Variants in OSBPL9 observed in about 807,000 individuals in gnomAD.
OSBPL9 encodes oxysterol-binding protein-related protein 9.
In OSBPL9, 40 loss-of-function variants were observed where a neutral mutation model predicts 106.6. The ratio of observed to expected loss-of-function variants is 0.38; its 90% CI spans 0.29 to 0.49. The LOEUF (loss-of-function observed/expected upper bound fraction) is 0.49, where lower values mean the gene tolerates loss of function less well. OSBPL9 is among the 20% of genes least tolerant of loss of function. The probability of loss-of-function intolerance (pLI) is 0.97; values close to 1 mark genes in which losing one functional copy is unlikely to be tolerated. For synonymous variants in OSBPL9, 269 were observed against 295.4 expected (o/e 0.91, Z 0.92); for missense variants, 609 against 887.2 (o/e 0.69, Z 3.98).
chr1:51,601,413 A>G (rs548894579), intron 2 of OSBPL9, among the ~76,000 whole-genome samples: 6 of 152,342 alleles, frequency 3.9e-5, no homozygotes, highest in Admixed American at 1.3e-4. Context: ...TTAAACTCCA[A>G]ACACTAGCTA....
intron 16 of OSBPL9, 122 bp from the exon 17 acceptor site, chr1:51,782,437 T>A (rs574302743): frequency 9.2e-6 from 6 of 651,028 alleles, no homozygotes; most frequent in Non-Finnish European, 1.5e-5. Flanking sequence ...AGTTCTACAA[T>A]AGAAATATAT....
chr1:51,671,366 A>G (rs972952821), intron 3 of OSBPL9, among the ~76,000 whole-genome samples: 3 of 152,222 alleles, frequency 2.0e-5, no homozygotes, highest in South Asian at 2.1e-4. Flanking sequence ...ATATGTGAAC[A>G]TATCTTTAAA....
At chr1:51,571,022 T>C in the OSBPL9 span, among the ~76,000 whole-genome samples, 1 of 152,168 alleles carries the variant, frequency 6.6e-6, no homozygotes, top group Non-Finnish European at 1.5e-5. Flanking sequence ...GGTTTCAGCA[T>C]GTTGGCCAGG....
intron 6 of OSBPL9, among the ~76,000 whole-genome samples, chr1:51,747,297 C>A (rs1232888919): frequency 6.6e-6 from 1 of 152,170 alleles, no homozygotes; most frequent in African/African-American, 2.4e-5. Context: ...TTTTCTGTAT[C>A]ATATTCCTAG....
At chr1:51,783,777 A>C in intron 17 of OSBPL9, 138 bp from the exon 18 acceptor site, 3 of 632,446 alleles carry the variant, frequency 4.7e-6, no homozygotes, top group Non-Finnish European at 5.6e-6. Context: ...AAAGGCAGGT[A>C]GGTACCTCCT....
At chr1:51,579,776 C>T (rs1645210161) in intron 1 of OSBPL9, among the ~76,000 whole-genome samples, 1 of 151,412 alleles carries the variant, frequency 6.6e-6, no homozygotes, top group African/African-American at 2.4e-5. Context: ...GTCACCTGAG[C>T]CCAGAGAGGT....
chr1:51,736,944 C>T (rs1665841585), intron 4 of OSBPL9, among the ~76,000 whole-genome samples: 1 of 151,896 alleles, frequency 6.6e-6, no homozygotes, highest in South Asian at 2.1e-4. Context: ...TCCAACAGTG[C>T]TTTTGTTAGG....
At chr1:51,654,996 A>T (rs983865160) in intron 2 of OSBPL9, among the ~76,000 whole-genome samples, 1 of 152,148 alleles carries the variant, frequency 6.6e-6, no homozygotes, top group Non-Finnish European at 1.5e-5. Context: ...ATGGATGGTG[A>T]TGATGGTGAT....
chr1:51,761,817 T>G (rs1407301437), intron 10 of OSBPL9, 50 bp from the exon 11 acceptor site: 2 of 1,330,814 alleles, frequency 1.5e-6, no homozygotes, highest in Non-Finnish European at 1.1e-6. Flanking sequence ...GTCAATAGAA[T>G]GTGTGTTTGG....
At chr1:51,634,101 C>T (rs1645275847) in intron 1 of OSBPL9, among the ~76,000 whole-genome samples, 1 of 152,184 alleles carries the variant, frequency 6.6e-6, no homozygotes, top group South Asian at 2.1e-4. Context: ...TTCTTGCTAA[C>T]CACATTTTTG....
chr1:51,528,563 T>G, the OSBPL9 span, among the ~76,000 whole-genome samples: 1 of 150,808 alleles, frequency 6.6e-6, no homozygotes, highest in Admixed American at 6.6e-5. Context: ...AAAAACAAAC[T>G]GAAAATGAAA....
chr1:51,669,867 T>C, intron 3 of OSBPL9: 1 of 469,512 alleles, frequency 2.1e-6, no homozygotes, highest in South Asian at 1.6e-5. Flanking sequence ...ATGAAGAGTC[T>C]AAAGACTGAT....
the OSBPL9 span, among the ~76,000 whole-genome samples, chr1:51,539,062 T>A: frequency 1.3e-5 from 2 of 152,344 alleles, no homozygotes; most frequent in African/African-American, 4.8e-5. Context: ...CTTCAAATGC[T>A]GATCATGCTA....
rs764495720 is a variant in OSBPL9, at chr1:51,781,322, C to G, written c.1415C>G (p.Thr472Ser). The G allele has an allele frequency of 6.2e-7, 1 of 1,613,946 alleles. No individual in the cohort carries two copies. The highest frequency in any genetic ancestry group is 2.2e-5 in the East Asian group (1 of 44,876). ...TGTCATTGGACATTACCAAATGATA[C>G]TGAAGAGAACACAGTGAGTTCTGCA... ...FQCHWTLPND[T>S]EENTELVSEG... Residue 472 changes from threonine to serine, a missense_variant, in exon 16 of 24, where the codon ACT (threonine) becomes AGT (serine). Thr to Ser is a moderately conservative substitution (Grantham distance 58). Coordinates refer to ENST00000428468, the MANE Select transcript of OSBPL9 (RefSeq NM_024586.6).
At chr1:51,665,949 G>C (rs72898016) in intron 2 of OSBPL9, among the ~76,000 whole-genome samples, 1 of 152,236 alleles carries the variant, frequency 6.6e-6, no homozygotes, top group African/African-American at 2.4e-5. Flanking sequence ...CTGCCTTGAA[G>C]TGATTCTCCT....
chr1:51,616,104 T>G (rs988390470), upstream of OSBPL9, among the ~76,000 whole-genome samples: 1 of 151,294 alleles, frequency 6.6e-6, no homozygotes, highest in African/African-American at 2.4e-5. Context: ...TTCAAGTGAT[T>G]CTTGTGCCTC....
chr1:51,715,717 A>G, intron 4 of OSBPL9, among the ~76,000 whole-genome samples: 1 of 152,222 alleles, frequency 6.6e-6, no homozygotes, highest in East Asian at 1.9e-4. Context: ...TTCTGCCACT[A>G]TACCCCTACA....
intron 1 of OSBPL9, among the ~76,000 whole-genome samples, chr1:51,594,628 T>G (rs949560604): frequency 3.3e-5 from 5 of 152,170 alleles, no homozygotes; most frequent in African/African-American, 1.2e-4. Context: ...TGAACAATCT[T>G]GCAAGATCCG....
intron 4 of OSBPL9, among the ~76,000 whole-genome samples, chr1:51,739,857 A>G (rs1036188587): frequency 5.3e-5 from 8 of 151,988 alleles, no homozygotes; most frequent in African/African-American, 2.4e-5. Context: ...GGTATAAGTA[A>G]TATTTCTGGT....
Sources: allele counts gnomAD v4.1 joint callset (sites outside exome capture counted in the v4.1 genomes callset), GRCh38; gene constraint gnomAD v4.1.1; transcripts MANE v1.5; gene names NCBI Gene and HGNC (gene_info 2026-07-23, HGNC 2026-07-21).